Variants in LSM12 observed in about 807,000 individuals in gnomAD.
LSM12 encodes protein LSM12.
For synonymous variants in LSM12, 74 were observed against 87.3 expected (o/e 0.85, Z 0.85); for missense variants, 108 against 238.9 (o/e 0.45, Z 3.61).
intron 2 of LSM12, among the ~76,000 whole-genome samples, chr17:44,048,018 AACACACACACACAC>A (rs57164806): frequency 0.034 from 4,607 of 137,476 alleles, 244 homozygotes; most frequent in African/African-American, 0.11. Context: ...GTCCGTATTA[AACACACACACACAC>A]ACACACACAC....
At chr17:44,043,401 T>C (rs2049520582) in intron 2 of LSM12, among the ~76,000 whole-genome samples, 1 of 152,188 alleles carries the variant, frequency 6.6e-6, no homozygotes. Context: ...ACACACAGGC[T>C]GACAGCATTC....
At chr17:44,067,235 G>A (rs550273170), upstream of LSM12, among the ~76,000 whole-genome samples, 76 of 152,362 alleles carry the variant, frequency 5.0e-4, no homozygotes, top group African/African-American at 1.7e-3. Flanking sequence ...GGAAGGCGGA[G>A]GTTGCACTGA....
intron 2 of LSM12, among the ~76,000 whole-genome samples, chr17:44,060,165 A>T (rs1047273985): frequency 1.3e-5 from 2 of 152,178 alleles, no homozygotes; most frequent in African/African-American, 4.8e-5. Context: ...ACTTCGTCTC[A>T]AAAAATAAAT....
chr17:44,040,422 G>C, intron 2 of LSM12, 166 bp from the exon 3 acceptor site: 1 of 561,686 alleles, frequency 1.8e-6, no homozygotes, highest in Non-Finnish European at 3.2e-6. Context: ...CGACATACCT[G>C]AACAGTTACT....
At chr17:44,056,733 C>T (rs2144103437) in intron 2 of LSM12, among the ~76,000 whole-genome samples, 1 of 152,102 alleles carries the variant, frequency 6.6e-6, no homozygotes, top group African/African-American at 2.4e-5. Context: ...TACAGTGGCT[C>T]ACACCTGTAA....
chr17:44,039,119 A>G (rs1480529852), intron 3 of LSM12, among the ~76,000 whole-genome samples: 1 of 151,996 alleles, frequency 6.6e-6, no homozygotes, highest in African/African-American at 2.4e-5. Context: ...GCAATGCACA[A>G]TCTTGGCTCA....
intron 2 of LSM12, among the ~76,000 whole-genome samples, chr17:44,045,318 G>A (rs901729533): frequency 7.2e-5 from 11 of 152,124 alleles, no homozygotes; most frequent in Non-Finnish European, 1.3e-4. Flanking sequence ...AAGCCACCAT[G>A]CCTGGCCTTA....
At chr17:44,049,312 T>C (rs186148970) in intron 2 of LSM12, among the ~76,000 whole-genome samples, 1 of 152,322 alleles carries the variant, frequency 6.6e-6, no homozygotes, top group East Asian at 1.9e-4. Context: ...AGGGTCTCAC[T>C]CTTCTGCCCA....
At chr17:44,044,835 G>A (rs1396811854) in intron 2 of LSM12, among the ~76,000 whole-genome samples, 1 of 152,110 alleles carries the variant, frequency 6.6e-6, no homozygotes, top group African/African-American at 2.4e-5. Context: ...CAATTTAGCT[G>A]CTGTACAAAT....
intron 2 of LSM12, among the ~76,000 whole-genome samples, chr17:44,061,846 G>A (rs2049799214): frequency 6.6e-6 from 1 of 152,122 alleles, no homozygotes; most frequent in Non-Finnish European, 1.5e-5. Context: ...TCTGTGCAAG[G>A]CTCTGTATAT....
chr17:44,043,696 C>T (rs1383304931), intron 2 of LSM12, among the ~76,000 whole-genome samples: 1 of 151,688 alleles, frequency 6.6e-6, no homozygotes, highest in East Asian at 1.9e-4. Context: ...TCGGCCAGCG[C>T]TGTGGCTCAC....
chr17:44,052,619 C>T (rs1001007693), intron 2 of LSM12, among the ~76,000 whole-genome samples: 1 of 151,560 alleles, frequency 6.6e-6, no homozygotes, highest in South Asian at 2.1e-4. Context: ...ATTAGCCGGG[C>T]ATGGTGGCGG....
intron 2 of LSM12, among the ~76,000 whole-genome samples, chr17:44,042,449 G>A (rs2049507033): frequency 6.6e-6 from 1 of 151,928 alleles, no homozygotes; most frequent in South Asian, 2.1e-4. Flanking sequence ...GCCCAGGCTG[G>A]AGTACAATGG....
At chr17:44,050,589 T>A (rs2049630466) in intron 2 of LSM12, among the ~76,000 whole-genome samples, 1 of 151,698 alleles carries the variant, frequency 6.6e-6, no homozygotes, top group South Asian at 2.1e-4. Flanking sequence ...GTAGGCTCAC[T>A]ATAACCTCCA....
At position 44,040,206 on chromosome 17, in the gene LSM12, A is replaced by G. The variant is rs2144070082; in HGVS notation, c.309T>C (p.Tyr103=). The G allele has an allele frequency of 1.9e-6, 3 of 1,614,108 alleles. No homozygotes were observed. The East Asian group carries it at 6.7e-5, about 36-fold the overall frequency. The change falls in exon 3 of 5, where the codon TAT becomes TAC. Residue 103 remains tyrosine, a synonymous_variant. Transcript: ENST00000293406. ...TEKEEKLSQA[Y]AISAGVSLEG... ...CTAGAGAGACACCAGCACTGATTGC[A>G]TAGGCCTGGCTCAGCTTCTCCTCCT...
chr17:44,036,663 T>C (rs936027873), intron 4 of LSM12, among the ~76,000 whole-genome samples: 1 of 151,770 alleles, frequency 6.6e-6, no homozygotes, highest in Non-Finnish European at 1.5e-5. Flanking sequence ...ACATCTACAA[T>C]GTTGGTCTCT....
At chr17:44,066,770 A>C (rs1033333004), upstream of LSM12, 9 of 718,988 alleles carry the variant, frequency 1.3e-5, no homozygotes, top group African/African-American at 1.5e-4. Flanking sequence ...ATAAAGGGGA[A>C]TCTGAAAAGT....
chr17:44,062,125 G>C (rs1017003717), intron 2 of LSM12, among the ~76,000 whole-genome samples: 4 of 151,784 alleles, frequency 2.6e-5, no homozygotes, highest in African/African-American at 9.7e-5. Context: ...GGAAGGCTGA[G>C]GCAGGAGAAT....
At chr17:44,061,258 G>A (rs1251195489) in intron 2 of LSM12, among the ~76,000 whole-genome samples, 1 of 150,602 alleles carries the variant, frequency 6.6e-6, no homozygotes, top group East Asian at 1.9e-4. Flanking sequence ...CGGAGGTTGC[G>A]GTGAGCCGAG....
Sources: gnomAD v4.1 joint callset for allele counts (sites outside exome capture counted in the v4.1 genomes callset) on GRCh38, gnomAD v4.1.1 for gene constraint, MANE v1.5 for transcripts, NCBI Gene and HGNC (gene_info 2026-07-23, HGNC 2026-07-21) for gene names.